Variants in SLC14A2 observed in about 807,000 individuals in gnomAD.
The protein encoded by SLC14A2 is urea transporter 2.
A neutral mutation model predicts 104.6 loss-of-function variants in SLC14A2; 91 were observed. The observed-to-expected ratio is 0.87, with a 90% CI of 0.73 to 1.04. The LOEUF is 1.04. Ranked by LOEUF, SLC14A2 falls within the 50% of genes least tolerant of loss-of-function variation. SLC14A2 has a pLI of 0.00. For missense variants in SLC14A2, 1,189 were observed against 1,156.0 expected (o/e 1.03, Z -0.41); for synonymous variants, 476 against 466.4 (o/e 1.02, Z -0.27).
chr18:45,278,221 C>T (rs2084723754), intron 1 of SLC14A2, among the ~76,000 whole-genome samples: 1 of 152,186 alleles, frequency 6.6e-6, no homozygotes, highest in Admixed American at 6.5e-5. Flanking sequence ...TTCAGTGTGA[C>T]ATTCTTGTGC....
intron 5 of SLC14A2, among the ~76,000 whole-genome samples, chr18:45,635,619 G>A (rs2045406661): frequency 6.6e-6 from 1 of 152,206 alleles, no homozygotes; most frequent in African/African-American, 2.4e-5. Flanking sequence ...GAAAGACTAG[G>A]AAGAGAAAGA....
At chr18:45,593,078 G>A (rs1037034066) in intron 2 of SLC14A2, among the ~76,000 whole-genome samples, 1 of 152,164 alleles carries the variant, frequency 6.6e-6, no homozygotes, top group African/African-American at 2.4e-5. Context: ...AGCACTTTGG[G>A]AGGCCGAGGC....
chr18:45,533,628 G>C (rs1277010962), intron 2 of SLC14A2, among the ~76,000 whole-genome samples: 1 of 151,946 alleles, frequency 6.6e-6, no homozygotes, highest in Admixed American at 6.6e-5. Flanking sequence ...TATCAATTTT[G>C]CTGATCTTTT....
At chr18:45,509,111 G>T (rs965254078) in intron 2 of SLC14A2, among the ~76,000 whole-genome samples, 2 of 152,138 alleles carry the variant, frequency 1.3e-5, no homozygotes, top group Non-Finnish European at 2.9e-5. Context: ...AGTCCAAGAA[G>T]TAGAAGGAAA....
intron 2 of SLC14A2, among the ~76,000 whole-genome samples, chr18:45,535,885 G>A (rs2043772501): frequency 6.6e-6 from 1 of 152,170 alleles, no homozygotes; most frequent in South Asian, 2.1e-4. Context: ...AGGCAATGAA[G>A]AAGACAGATC....
At chr18:45,192,744 C>G in the SLC14A2 span, among the ~76,000 whole-genome samples, 13,526 of 152,028 alleles carry the variant, frequency 0.089, 647 homozygotes, top group East Asian at 0.14. Flanking sequence ...GCAACCTCCG[C>G]CTCCCAGGTT....
intron 1 of SLC14A2, among the ~76,000 whole-genome samples, chr18:45,287,311 T>A (rs2084824375): frequency 1.3e-5 from 2 of 152,244 alleles, no homozygotes; most frequent in South Asian, 2.1e-4. Flanking sequence ...GAGAAATTAC[T>A]ACAACTTGCA....
At chr18:45,377,761 A>G (rs1201187993) in intron 1 of SLC14A2, among the ~76,000 whole-genome samples, 1 of 151,968 alleles carries the variant, frequency 6.6e-6, no homozygotes, top group African/African-American at 2.4e-5. Context: ...TATAACTCTA[A>G]TTGTTCCTCT....
the SLC14A2 span, among the ~76,000 whole-genome samples, chr18:45,206,798 C>T: frequency 2.2e-3 from 335 of 152,270 alleles, 2 homozygotes; most frequent in African/African-American, 7.9e-3. Context: ...AGGATACCTA[C>T]AGGGTGCTGA....
intron 10 of SLC14A2, among the ~76,000 whole-genome samples, chr18:45,656,040 G>T (rs1044347861): frequency 6.6e-6 from 1 of 152,176 alleles, no homozygotes; most frequent in Non-Finnish European, 1.5e-5. Flanking sequence ...GGATCACTTG[G>T]TTACACGGAA....
At chr18:45,517,112 C>T (rs938153413) in intron 2 of SLC14A2, among the ~76,000 whole-genome samples, 4 of 152,184 alleles carry the variant, frequency 2.6e-5, no homozygotes, top group African/African-American at 7.2e-5. Context: ...GTGAGATGTG[C>T]ACAACTCACC....
At chr18:45,622,645 CGAA>C (rs1314701321) in intron 1 of SLC14A2, among the ~76,000 whole-genome samples, 1 of 151,902 alleles carries the variant, frequency 6.6e-6, no homozygotes, top group Non-Finnish European at 1.5e-5. Context: ...TCCTGTTACA[CGAA>C]GAAGAGCCGC....
Position 45,305,883 on chromosome 18 carries a change from G to A in SLC14A2, c.-125+92692G>A, listed in dbSNP as rs150333496. 3.6e-3 allele frequency among the ~76,000 whole-genome samples: 543 copies of A among 152,202 alleles called. 2 individuals are homozygous for A. Among genetic ancestry groups the A allele is most frequent in the African/African-American group, 0.012 (488 of 41,512 alleles). On this transcript the variant is annotated intron_variant, in intron 1 of 20. Transcript: ENST00000586448. ...ATATTTCGATTTACAATTTTATTAA[G>A]TTTCTGAGGATTTTTAATACTGTGT...
intron 2 of SLC14A2, among the ~76,000 whole-genome samples, chr18:45,522,697 A>G (rs141563365): frequency 1.6e-4 from 25 of 152,176 alleles, no homozygotes; most frequent in African/African-American, 5.8e-4. Flanking sequence ...ATATTCATGA[A>G]TTTTGTACAG....
chr18:45,250,417 C>G (rs2084409264), intron 1 of SLC14A2, among the ~76,000 whole-genome samples: 1 of 151,990 alleles, frequency 6.6e-6, no homozygotes, highest in Non-Finnish European at 1.5e-5. Flanking sequence ...TAATTCTTCC[C>G]CCCCTTATTA....
intron 4 of SLC14A2, among the ~76,000 whole-genome samples, chr18:45,627,902 C>G (rs1032314703): frequency 6.7e-6 from 1 of 149,064 alleles, no homozygotes; most frequent in African/African-American, 2.5e-5. Context: ...CCCAGCTACT[C>G]GGAAGGCTGA....
intron 2 of SLC14A2, among the ~76,000 whole-genome samples, chr18:45,484,151 A>T (rs535425759): frequency 6.6e-6 from 1 of 152,320 alleles, no homozygotes; most frequent in Non-Finnish European, 1.5e-5. Context: ...TGTTTTCTCC[A>T]TCTTCTAGGG....
chr18:45,174,511 T>G, the SLC14A2 span, among the ~76,000 whole-genome samples: 1 of 152,076 alleles, frequency 6.6e-6, no homozygotes, highest in Non-Finnish European at 1.5e-5. Flanking sequence ...CCTGCTAAAG[T>G]GGAGAGAGTC....
At chr18:45,360,704 T>C (rs2085601810) in intron 1 of SLC14A2, among the ~76,000 whole-genome samples, 1 of 152,240 alleles carries the variant, frequency 6.6e-6, no homozygotes, top group African/African-American at 2.4e-5. Context: ...TAACTTGCAC[T>C]GTAAACTGAT....
Sources: allele counts gnomAD v4.1 joint callset (sites outside exome capture counted in the v4.1 genomes callset), GRCh38; gene constraint gnomAD v4.1.1; transcripts MANE v1.5; gene names NCBI Gene and HGNC (gene_info 2026-07-23, HGNC 2026-07-21).